Variants in RPTOR observed in about 807,000 individuals in gnomAD.
The protein encoded by RPTOR is regulatory-associated protein of mTOR.
Under a neutral mutation model 169.9 loss-of-function variants are expected in RPTOR, and 21 were observed. The observed-to-expected ratio is 0.12, with a 90% CI of 0.09 to 0.18. RPTOR has a LOEUF of 0.18. RPTOR is among the 10% of genes least tolerant of loss of function. The pLI is 1.00. For missense variants in RPTOR, 1,133 were observed against 1,855.9 expected, an observed-to-expected ratio of 0.61 and a Z score of 7.16; for synonymous variants, 732 against 753.2, an observed-to-expected ratio of 0.97 and a Z score of 0.46.
chr17:80,905,981 A>T (rs183272580), intron 20 of RPTOR, among the ~76,000 whole-genome samples: 151 of 152,232 alleles, frequency 9.9e-4, no homozygotes, highest in African/African-American at 3.6e-3. Context: ...GAGCTGCTTC[A>T]ATGCCTCACT....
chr17:80,948,784 T>G (rs8082395), intron 27 of RPTOR: 78,643 of 152,294 alleles, frequency 0.52, 21,499 homozygotes, highest in African/African-American at 0.7. Flanking sequence ...AGGCTCAGAG[T>G]GCCCGCATGC....
intron 7 of RPTOR, among the ~76,000 whole-genome samples, chr17:80,810,273 C>T (rs2067260528): frequency 6.7e-6 from 1 of 149,190 alleles, no homozygotes; most frequent in Non-Finnish European, 1.5e-5. Context: ...TTATGATGAA[C>T]TTAGTGAACT....
chr17:80,634,144 C>CGTGTGCGTACTGTGTGT (rs1486684924), intron 2 of RPTOR, among the ~76,000 whole-genome samples: 5 of 109,978 alleles, frequency 4.5e-5, no homozygotes, highest in Admixed American at 4.1e-4. Flanking sequence ...ATACTGTGTG[C>CGTGTGCGTACTGTGTGT]GTGTGCGTAC....
chr17:80,857,965 C>A, intron 13 of RPTOR, 65 bp downstream of exon 13: 1 of 1,249,662 alleles, frequency 8.0e-7, no homozygotes, highest in Non-Finnish European at 1.2e-6. Flanking sequence ...GGATGCCGAG[C>A]CCTGCGTTTC....
chr17:80,866,526 A>G (rs918457214), intron 13 of RPTOR, among the ~76,000 whole-genome samples: 2 of 152,250 alleles, frequency 1.3e-5, no homozygotes, highest in Middle Eastern at 3.2e-3. Context: ...AAACACATGA[A>G]TAAAACTGTG....
chr17:80,817,933 A>G (rs1598327128), intron 7 of RPTOR, among the ~76,000 whole-genome samples: 1 of 152,218 alleles, frequency 6.6e-6, no homozygotes, highest in Non-Finnish European at 1.5e-5. Flanking sequence ...CGGGGTCATC[A>G]TGATGACCTG....
rs572867935 is a variant in RPTOR, at chr17:80,966,179, C to T, written c.*1849C>T. 4.3e-3 allele frequency: 983 copies of T among 227,882 alleles called. 2 individuals are homozygous for T. The highest frequency in any genetic ancestry group is 6.4e-3 in the Non-Finnish European group (737 of 114,844). 14.1% of individuals were successfully genotyped at this position (227,882 alleles called of 1,614,324 possible). A position where few individuals can be genotyped will look rare whatever the true frequency, so the allele number is the denominator to read the frequency against. The stretch of plus-strand genomic sequence containing the variant: ...CCATGGGCACCGCGTGCCGCCTGCA[C>T]GTGGGCTGTCTTCACAGGTCTGATG... On this transcript the variant is annotated 3_prime_UTR_variant, in exon 34 of 34. Coordinates refer to ENST00000306801, the MANE Select transcript of RPTOR (RefSeq NM_020761.3).
At chr17:80,902,958 G>A (rs1195184175) in intron 20 of RPTOR, among the ~76,000 whole-genome samples, 7 of 152,226 alleles carry the variant, frequency 4.6e-5, no homozygotes, top group East Asian at 3.8e-4. Flanking sequence ...GGCTCTTCCC[G>A]CAGAAACAGC....
At chr17:80,840,453 CTT>C (rs2067618964) in intron 10 of RPTOR, among the ~76,000 whole-genome samples, 2 of 119,410 alleles carry the variant, frequency 1.7e-5, no homozygotes, top group Non-Finnish European at 3.1e-5. Flanking sequence ...AGCTCACTCT[CTT>C]TGCACCGCAG....
At chr17:80,625,280 G>A (rs2065384528) in intron 1 of RPTOR, among the ~76,000 whole-genome samples, 2 of 152,214 alleles carry the variant, frequency 1.3e-5, no homozygotes, top group Non-Finnish European at 2.9e-5. Flanking sequence ...ATGATTGATG[G>A]TTTTAAATAA....
In RPTOR at chr17:80,760,860, A is replaced by G. The variant is rs185076226; in HGVS notation, c.830+6675A>G. Among the ~76,000 whole-genome samples, 9 of 152,354 alleles carry G rather than the reference A, an allele frequency of 5.9e-5. No homozygotes were observed. The East Asian group carries it at 1.7e-3, about 29-fold the overall frequency. ...ATTATGCTGGCACAGCTGCTACAGAATGCGGTGTGCTGGGTAAACAACATA... is the reference window on the plus strand; with the variant it reads ...ATTATGCTGGCACAGCTGCTACAGAGTGCGGTGTGCTGGGTAAACAACATA... On this transcript the variant is annotated intron_variant, in intron 6 of 33. Coordinates refer to ENST00000306801, the MANE Select transcript of RPTOR (RefSeq NM_020761.3).
chr17:80,611,646 A>G (rs1255368553), intron 1 of RPTOR, among the ~76,000 whole-genome samples: 1 of 152,144 alleles, frequency 6.6e-6, no homozygotes. Flanking sequence ...CCGTCTAACC[A>G]TAATACCAAT....
intron 11 of RPTOR, among the ~76,000 whole-genome samples, chr17:80,849,750 C>T (rs1302120387): frequency 6.6e-6 from 1 of 152,214 alleles, no homozygotes; most frequent in East Asian, 1.9e-4. Context: ...GAACTCCTGA[C>T]CTTGTGATCC....
intron 1 of RPTOR, among the ~76,000 whole-genome samples, chr17:80,572,071 T>G (rs1200768982): frequency 6.6e-6 from 1 of 152,246 alleles, no homozygotes; most frequent in African/African-American, 2.4e-5. Flanking sequence ...ACTTATCCAT[T>G]CTACTGCTGA....
rs1426286640 is a variant in RPTOR at position 80,646,283 on chromosome 17, A to C, written c.348+2473A>C. On this transcript the variant is annotated intron_variant, in intron 3 of 33. Coordinates refer to ENST00000306801, the MANE Select transcript of RPTOR (RefSeq NM_020761.3). The surrounding 1 kb of genome is among the most constrained non-coding windows in gnomAD (Gnocchi z 5.0). ...CTGCTACTATCCATGAGCGGGCCTC[A>C]TCTATTTTAGAAATTAGCCTAAGGT... 3.9e-5 allele frequency among the ~76,000 whole-genome samples: 6 copies of C among 152,198 alleles called. No homozygotes were observed. Among genetic ancestry groups the C allele is most frequent in the Admixed American group, 3.9e-4 (6 of 15,276 alleles).
chr17:80,795,963 C>T (rs2067097374), intron 7 of RPTOR, among the ~76,000 whole-genome samples: 1 of 152,206 alleles, frequency 6.6e-6, no homozygotes, highest in African/African-American at 2.4e-5. Flanking sequence ...GTAAGCGTCT[C>T]CCACGCCTCT....
chr17:80,605,156 C>G (rs1365009857), intron 1 of RPTOR, among the ~76,000 whole-genome samples: 3 of 152,210 alleles, frequency 2.0e-5, no homozygotes, highest in African/African-American at 7.2e-5. Flanking sequence ...CTCAGATGCC[C>G]TGGGGCTCGG....
In RPTOR at chr17:80,644,485, A is replaced by C. The variant is rs1393325231; in HGVS notation, c.348+675A>C. Among the ~76,000 whole-genome samples the C allele has an allele frequency of 2.0e-5, 3 of 152,164 alleles. No homozygotes were observed. In the East Asian group the frequency reaches 5.8e-4, roughly 29 times the overall value. The stretch of plus-strand genomic sequence containing the variant: ...TTTGGAGATTTAATAAATTTAATAA[A>C]AAACTAAGAATCTGGGCACTTATGG... On this transcript the variant is annotated intron_variant, in intron 3 of 33. Coordinates refer to ENST00000306801, the MANE Select transcript of RPTOR (RefSeq NM_020761.3).
At chr17:80,553,573 G>C (rs1183518662) in intron 1 of RPTOR, among the ~76,000 whole-genome samples, 2 of 152,142 alleles carry the variant, frequency 1.3e-5, no homozygotes, top group Non-Finnish European at 2.9e-5. Context: ...TAATGTTGTA[G>C]AATGAAATGT....
Sources: gnomAD v4.1 joint callset for allele counts (sites outside exome capture counted in the v4.1 genomes callset) on GRCh38, gnomAD v4.1.1 for gene constraint, Gnocchi (gnomAD v3.1) non-coding constraint, MANE v1.5 for transcripts, NCBI Gene and HGNC (gene_info 2026-07-23, HGNC 2026-07-21) for gene names.